KLHL38: variants seen among roughly 807,000 people sequenced by gnomAD.
KLHL38 encodes the protein kelch-like protein 38.
Under a neutral mutation model 39.6 loss-of-function variants are expected in KLHL38, and 38 were observed. The ratio of observed to expected loss-of-function variants is 0.96; its 90% CI spans 0.74 to 1.26. The LOEUF (loss-of-function observed/expected upper bound fraction) is 1.26, where lower values mean the gene tolerates loss of function less well. KLHL38 is among the 50% of genes most tolerant of loss of function. KLHL38 has a pLI of 0.00. For synonymous variants in KLHL38, 322 were observed against 302.2 expected (o/e 1.07, Z -0.68); for missense variants, 803 against 748.1 (o/e 1.07, Z -0.86).
intron 2 of KLHL38, among the ~76,000 whole-genome samples, chr8:123,649,864 C>T (rs10505439): frequency 0.1 from 15,355 of 152,178 alleles, 974 homozygotes; most frequent in South Asian, 0.24. Context: ...TCTTGCAACT[C>T]CATTGTCCTG....
In KLHL38 at chr8:123,653,745, A is replaced by G. The variant is rs1266814922; in HGVS notation, c.-161T>C. ...TTCTGGATTTGTTTATGCTGAAGGC[A>G]CTTTCATAGTTTTCTAGAGCTTTGT... is the stretch of plus-strand genomic sequence containing the variant. On this transcript the variant is annotated 5_prime_UTR_variant, in exon 1 of 4. Transcript: ENST00000684634. Among the ~76,000 whole-genome samples, 1 of 152,226 alleles carries G rather than the reference A, an allele frequency of 6.6e-6. No individual in the cohort carries two copies. The highest frequency in any genetic ancestry group is 2.4e-5 in the African/African-American group (1 of 41,458).
Position 123,652,858 on chromosome 8 carries a change from C to G in KLHL38, c.69G>C (p.Gln23His), listed in dbSNP as rs375355531. Residue 23 changes from glutamine (Q) to histidine (H), a missense_variant, in exon 2 of 4, where the codon CAG becomes CAC. Transcript: ENST00000684634. ...DHDFSSDLLRQLNSLRQSRIL... is the reference protein window; with the variant it reads ...DHDFSSDLLRHLNSLRQSRIL... ...TCCTGCTTTGCCTTAAGCTGTTGAGCTGCCTCAACAAGTCAGAAGAGAAGT... is the reference window on the plus strand; with the variant it reads ...TCCTGCTTTGCCTTAAGCTGTTGAGGTGCCTCAACAAGTCAGAAGAGAAGT... 4 of 1,607,850 alleles carry G rather than the reference C, an allele frequency of 2.5e-6. No individual in the cohort carries two copies. Among genetic ancestry groups the G allele is most frequent in the Middle Eastern group, 3.3e-4 (2 of 6,082 alleles).
chr8:123,646,374 G>T (rs1447315743), intron 3 of KLHL38, among the ~76,000 whole-genome samples: 1 of 152,240 alleles, frequency 6.6e-6, no homozygotes, highest in African/African-American at 2.4e-5. Flanking sequence ...AAACTCAGAA[G>T]TGGGTTCCCC....
Position 123,652,177 on chromosome 8 carries a change from G to A in KLHL38, c.750C>T (p.Ile250=), listed in dbSNP as rs1433327361. 6.2e-7 allele frequency: 1 copy of A among 1,614,200 alleles called. No individual in the cohort carries two copies. Among genetic ancestry groups the A allele is most frequent in the Non-Finnish European group, 8.5e-7 (1 of 1,180,026 alleles). ...TCTGTCTCTTGGCGGTCTCCAAGAT[G>A]ATCTGGCATGCAGGCGAGGACTGCA... ...ALLQSSPACQ[I]ILETAKRQMF... The change falls in exon 2 of 4, where the codon ATC becomes ATT. Residue 250 remains isoleucine (I), a synonymous_variant. Transcript: ENST00000684634.
chr8:123,649,979 C>T (rs1812604833), intron 2 of KLHL38, among the ~76,000 whole-genome samples: 1 of 152,142 alleles, frequency 6.6e-6, no homozygotes, highest in African/African-American at 2.4e-5. Context: ...AGAGAGAACT[C>T]TGACTCCGGC....
chr8:123,646,978 C>T lies in KLHL38; in HGVS notation c.1387G>A (p.Glu463Lys). ...CACACGTTCTTGATCATTCTTGTCT[C>T]CATTTTGAACCACGAGTTTCTGGAA... ...HISRNSWFKM[E>K]TRMIKNVCAP... Residue 463 changes from glutamate (E) to lysine (K), a missense_variant, in exon 3 of 4, where the codon GAG becomes AAG. By Grantham distance (56) the Glu-to-Lys change is moderately conservative. Coordinates refer to ENST00000684634, the MANE Select transcript of KLHL38 (RefSeq NM_001081675.3). The T allele has an allele frequency of 6.2e-7, 1 of 1,613,226 alleles. No homozygotes were observed. The highest frequency in any genetic ancestry group is 8.5e-7 in the Non-Finnish European group (1 of 1,179,490).
intron 2 of KLHL38, 39 bp downstream of exon 2, chr8:123,651,538 A>T (rs1306627192): frequency 3.9e-6 from 6 of 1,530,126 alleles, no homozygotes; most frequent in Non-Finnish European, 5.2e-6. Flanking sequence ...AAGCACACAT[A>T]CTCATGCAGT....
In KLHL38 at chr8:123,652,624, A is replaced by G. The variant is rs532905073; in HGVS notation, c.303T>C (p.Thr101=). Residue 101 remains threonine (T), a synonymous_variant, in exon 2 of 4, where the codon ACT becomes ACC. Coordinates refer to ENST00000684634, the MANE Select transcript of KLHL38 (RefSeq NM_001081675.3). ...CCTCCATCACGGGGAGGACATTGTC[A>G]GTGGCAATATGTGCCTCCCCCGTAT... ...YVYTGEAHIA[T]DNVLPVMEAA... is the part of the protein sequence containing the mutation. The G allele has an allele frequency of 1.5e-5, 25 of 1,614,194 alleles. No individual in the cohort carries two copies. The highest frequency in any genetic ancestry group is 1.2e-4 in the South Asian group (11 of 91,086).
chr8:123,646,087 G>A, intron 3 of KLHL38, 59 bp from the exon 4 acceptor site: 1 of 1,475,134 alleles, frequency 6.8e-7, no homozygotes, highest in Non-Finnish European at 9.4e-7. Flanking sequence ...CTGGAGGTCA[G>A]CAGTCCTGGG....
Position 123,652,404 on chromosome 8 carries a change from G to T in KLHL38, c.523C>A (p.Leu175Ile). ...TAGTCCCTCAACTCCAAGGCACAGA[G>T]CTCCTTCAGGTCGGCCGATGCGGCC... Reference protein sequence around the residue: ...EVAASADLKELCALELRDYLG... With the variant: ...EVAASADLKEICALELRDYLG... Residue 175 changes from leucine (L) to isoleucine (I), a missense_variant, in exon 2 of 4, where the codon CTC becomes ATC. Coordinates refer to ENST00000684634, the MANE Select transcript of KLHL38 (RefSeq NM_001081675.3). 6.2e-7 allele frequency: 1 copy of T among 1,614,086 alleles called. No individual in the cohort carries two copies. Among genetic ancestry groups the T allele is most frequent in the South Asian group, 1.1e-5 (1 of 91,082 alleles).
Position 123,645,473 on chromosome 8 carries a change from G to C in KLHL38, c.*266C>G, listed in dbSNP as rs924854843. 10 of 499,166 alleles carry C rather than the reference G, an allele frequency of 2.0e-5. No homozygotes were observed. Among genetic ancestry groups the C allele is most frequent in the Non-Finnish European group, 3.2e-5 (9 of 282,302 alleles). The allele number at this position is 499,166 out of a possible 1,614,324, so 30.9% of individuals were successfully genotyped here. A position where few individuals can be genotyped will look rare whatever the true frequency, so the allele number is the denominator to read the frequency against. ...AAAGAGAGAGAGAGAGAGAGAGAGA[G>C]AGAGAGACAGACAGAGATAGGGGAG... is the stretch of plus-strand genomic sequence containing the variant. On this transcript the variant is annotated 3_prime_UTR_variant, in exon 4 of 4. Coordinates refer to ENST00000684634, the MANE Select transcript of KLHL38 (RefSeq NM_001081675.3).
Position 123,652,919 on chromosome 8 carries a change from TC to T in KLHL38, c.7del (p.Glu3ArgfsTer4). The T allele has an allele frequency of 6.3e-7, 1 of 1,590,636 alleles. No homozygotes were observed. Among genetic ancestry groups the T allele is most frequent in the Non-Finnish European group, 8.5e-7 (1 of 1,174,316 alleles). On this transcript the variant is annotated frameshift_variant, in exon 2 of 4. Coordinates refer to ENST00000684634, the MANE Select transcript of KLHL38 (RefSeq NM_001081675.3). LOFTEE classifies it high-confidence loss of function. ...GAAGAGCAGCCCATCTAGTGACTCC[TC>T]GTCCATCCTACAAAGAGGGAAGGAA... MDEESLDGLLFKD... is the reference protein window; with the variant it reads MDXESLDGLLFKD...
intron 2 of KLHL38, among the ~76,000 whole-genome samples, chr8:123,650,440 T>C (rs1812622903): frequency 6.6e-6 from 1 of 152,230 alleles, no homozygotes; most frequent in Non-Finnish European, 1.5e-5. Context: ...GCATCCCGCC[T>C]GTGCTCTTAG....
rs373627238 is a variant in KLHL38 at position 123,652,165 on chromosome 8, G to A, written c.762C>T (p.Thr254=). The change falls in exon 2 of 4, where the codon ACC becomes ACT. Residue 254 remains threonine (T), a synonymous_variant. Transcript: ENST00000684634. ...ACAAAGAGAACATCTGTCTCTTGGC[G>A]GTCTCCAAGATGATCTGGCATGCAG... ...SSPACQIILE[T]AKRQMFSLCG... The A allele has an allele frequency of 7.7e-5, 124 of 1,614,088 alleles. No individual in the cohort carries two copies. Among genetic ancestry groups the A allele is most frequent in the Admixed American group, 2.7e-4 (16 of 60,016 alleles).
chr8:123,651,707 A>G lies in KLHL38; in HGVS notation c.1220T>C (p.Ile407Thr). 6.2e-7 allele frequency: 1 copy of G among 1,614,188 alleles called. No individual in the cohort carries two copies. The highest frequency in any genetic ancestry group is 1.7e-5 in the Admixed American group (1 of 60,020). The change falls in exon 2 of 4, where the codon ATC becomes ACC. Residue 407 changes from isoleucine (I) to threonine (T), a missense_variant. Physicochemically the swap from Ile to Thr is moderately conservative, Grantham distance 89 (BLOSUM62 -1). Coordinates refer to ENST00000684634, the MANE Select transcript of KLHL38 (RefSeq NM_001081675.3). ...GGCCATACTCTCCCAGACATTGCAG[A>G]TGCTGTCATACCTTTCCATGGAGCC... Reference protein sequence around the residue: ...LMGSMERYDSICNVWESMASM... With the variant: ...LMGSMERYDSTCNVWESMASM...
At position 123,652,683 on chromosome 8, in the gene KLHL38, G is replaced by A. The variant is rs1004864714; in HGVS notation, c.244C>T (p.Pro82Ser). ...GAGACGATCTGGTCCAGGGTTGGGG[G>A]GTCAATGCCTTTCAGCTGCACTTTG... ...EAKVQLKGID[P>S]PTLDQIVSYV... The change falls in exon 2 of 4, where the codon CCC (proline) becomes TCC (serine). Residue 82 changes from proline to serine, a missense_variant. By Grantham distance (74) the Pro-to-Ser change is moderately conservative (BLOSUM62 -1). Coordinates refer to ENST00000684634, the MANE Select transcript of KLHL38 (RefSeq NM_001081675.3). 1 of 1,614,088 alleles carries A rather than the reference G, an allele frequency of 6.2e-7. No individual in the cohort carries two copies. Among genetic ancestry groups the A allele is most frequent in the Admixed American group, 1.7e-5 (1 of 60,000 alleles).
chr8:123,653,033 T>G, intron 1 of KLHL38, 106 bp from the exon 2 acceptor site: 1 of 1,129,572 alleles, frequency 8.9e-7, no homozygotes. Flanking sequence ...GTGCTCCTAT[T>G]CCATTCCCCA....
chr8:123,653,384 A>G (rs753357188), intron 1 of KLHL38, among the ~76,000 whole-genome samples: 4 of 152,204 alleles, frequency 2.6e-5, no homozygotes, highest in Non-Finnish European at 5.9e-5. Flanking sequence ...CCCAAGGATG[A>G]TATTCTGGAG....
At chr8:123,653,329 T>C (rs1013855588) in intron 1 of KLHL38, among the ~76,000 whole-genome samples, 3 of 152,182 alleles carry the variant, frequency 2.0e-5, no homozygotes, top group Admixed American at 2.0e-4. Context: ...TATCTGTTAT[T>C]GAGTAACAGA....
Sources: gnomAD v4.1 joint callset for allele counts (sites outside exome capture counted in the v4.1 genomes callset) on GRCh38, gnomAD v4.1.1 for gene constraint, MANE v1.5 for transcripts, NCBI Gene and HGNC (gene_info 2026-07-23, HGNC 2026-07-21) for gene names.